IPO11: variants seen among roughly 807,000 people sequenced by gnomAD.
IPO11 encodes the protein importin-11.
In IPO11, 66 loss-of-function variants were observed where a neutral mutation model predicts 143.2. The observed-to-expected ratio is 0.46, with a 90% CI of 0.38 to 0.57. The LOEUF (loss-of-function observed/expected upper bound fraction) is 0.57. Among genes scored for constraint, IPO11 ranks in the 20% least tolerant of loss-of-function variants. The pLI, the probability that IPO11 is intolerant of heterozygous loss-of-function variation, is 0.00. For synonymous variants in IPO11, 385 were observed against 377.8 expected (o/e 1.02, Z -0.22); for missense variants, 1,026 against 1,141.0 (o/e 0.90, Z 1.45).
At chr5:62,549,283 A>G (rs1003624511) in intron 24 of IPO11, among the ~76,000 whole-genome samples, 4 of 151,910 alleles carry the variant, frequency 2.6e-5, no homozygotes, top group Non-Finnish European at 4.4e-5. Flanking sequence ...CCTTACCTTC[A>G]CTTCTTGCTC....
At chr5:62,580,219 AATTCAAGAATT>A in intron 27 of IPO11, 1 of 1,550,878 alleles carries the variant, frequency 6.4e-7, no homozygotes, top group Non-Finnish European at 8.7e-7. Context: ...CCTCCTGAAA[AATTCAAGAATT>A]AGGAATGTTA....
chr5:62,515,632 TC>T (rs1225243973), intron 20 of IPO11, 131 bp downstream of exon 20: 3 of 589,176 alleles, frequency 5.1e-6, no homozygotes, highest in Non-Finnish European at 8.6e-6. Flanking sequence ...TATTTTTTTT[TC>T]CATGTGTGAT....
chr5:62,439,544 C>T (rs1744382734), intron 2 of IPO11, among the ~76,000 whole-genome samples: 1 of 151,638 alleles, frequency 6.6e-6, no homozygotes, highest in Admixed American at 6.6e-5. Flanking sequence ...GCCTTGGCCT[C>T]CCAAAGTGCT....
At chr5:62,413,172 G>A (rs1179454695) in intron 1 of IPO11, among the ~76,000 whole-genome samples, 2 of 152,212 alleles carry the variant, frequency 1.3e-5, no homozygotes, top group Non-Finnish European at 2.9e-5. Context: ...TGCGGGGTGG[G>A]AGGGACCGTA....
At position 62,490,224 on chromosome 5, in the gene IPO11, A is replaced by G; in HGVS notation, c.1463+4A>G. 1.9e-6 allele frequency: 3 copies of G among 1,550,218 alleles called. No individual in the cohort carries two copies. The highest frequency in any genetic ancestry group is 2.6e-6 in the Non-Finnish European group (3 of 1,142,670). On this transcript the variant is annotated splice_donor_region_variant and intron_variant, in intron 15 of 29. Coordinates refer to ENST00000325324, the MANE Select transcript of IPO11 (RefSeq NM_016338.5). ...AATTACAAGTCATTCACAATAGGCA[A>G]GTATAAAATTTTATATTTATTATAC...
Position 62,504,787 on chromosome 5 carries a change from A to G in IPO11, c.1625-71A>G, listed in dbSNP as rs879139679. 3.9e-5 allele frequency: 52 copies of G among 1,325,594 alleles called. No homozygotes were observed. The South Asian group carries it at 6.4e-4, about 16-fold the overall frequency. The allele number at this position is 1,325,594 out of a possible 1,614,324, so 82.1% of individuals were successfully genotyped here. On this transcript the variant is annotated intron_variant, in intron 17 of 29. Coordinates refer to ENST00000325324, the MANE Select transcript of IPO11 (RefSeq NM_016338.5). ...TTTATTTTGTGAAATTAATTTATGTATACTTGTTTTAGATACAGATTTATT... is the reference window on the plus strand; with the variant it reads ...TTTATTTTGTGAAATTAATTTATGTGTACTTGTTTTAGATACAGATTTATT...
At chr5:62,446,163 T>C (rs1054875847) in intron 3 of IPO11, among the ~76,000 whole-genome samples, 1 of 152,238 alleles carries the variant, frequency 6.6e-6, no homozygotes, top group African/African-American at 2.4e-5. Flanking sequence ...TTTAAAATAC[T>C]TTCTTTGAAG....
chr5:62,484,894 G>GTT (rs530509512), intron 11 of IPO11, among the ~76,000 whole-genome samples: 2 of 134,634 alleles, frequency 1.5e-5, no homozygotes, highest in Non-Finnish European at 1.6e-5. Context: ...GTCTTTTCTT[G>GTT]TTTTTTTTTT....
intron 24 of IPO11, among the ~76,000 whole-genome samples, chr5:62,549,313 A>G (rs1743317157): frequency 6.6e-6 from 1 of 152,022 alleles, no homozygotes; most frequent in South Asian, 2.1e-4. Context: ...GCAGCAACAA[A>G]TGTTGTTATC....
intron 24 of IPO11, among the ~76,000 whole-genome samples, chr5:62,549,087 G>GTTTTTGT (rs4022362): frequency 6.6e-6 from 1 of 150,474 alleles, no homozygotes; most frequent in Admixed American, 6.6e-5. Flanking sequence ...ATCTAGTTGT[G>GTTTTTGT]TTTTTGTTTT....
intron 1 of IPO11, among the ~76,000 whole-genome samples, chr5:62,414,422 C>T (rs1397734028): frequency 6.6e-6 from 1 of 152,102 alleles, no homozygotes; most frequent in Non-Finnish European, 1.5e-5. Flanking sequence ...TATGTAACCT[C>T]ACTTCTAATT....
At chr5:62,597,364 A>G (rs902981621) in intron 28 of IPO11, among the ~76,000 whole-genome samples, 3 of 152,366 alleles carry the variant, frequency 2.0e-5, no homozygotes, top group East Asian at 1.9e-4. Flanking sequence ...AGTTTGATTA[A>G]GCAAAGAATT....
In IPO11 at chr5:62,551,190, C is replaced by A. The variant is rs377468334; in HGVS notation, c.2347-33C>A. On this transcript the variant is annotated intron_variant, in intron 25 of 29. Coordinates refer to ENST00000325324, the MANE Select transcript of IPO11 (RefSeq NM_016338.5). ...GATTGTTTTTACTTGTACCATAACA[C>A]AATTTTACATGTGTTGTATTTTAAT... 85 of 1,204,764 alleles carry A rather than the reference C, an allele frequency of 7.1e-5. No homozygotes were observed. The African/African-American group carries it at 1.1e-3, about 15-fold the overall frequency. 74.6% of individuals were successfully genotyped at this position (1,204,764 alleles called of 1,614,324 possible).
chr5:62,481,811 T>G (rs950547125), intron 9 of IPO11, among the ~76,000 whole-genome samples: 1 of 152,126 alleles, frequency 6.6e-6, no homozygotes, highest in African/African-American at 2.4e-5. Flanking sequence ...CATAAAAGGA[T>G]TTAGGGAGGA....
In IPO11 at chr5:62,444,338, C is replaced by T. The variant is rs867778961; in HGVS notation, c.239+1255C>T. ...CGATCTCCTGACCTGGTGATCCGCC[C>T]GCCTTGGCCTCCCAAAGTGCTGGGA... On this transcript the variant is annotated intron_variant, in intron 3 of 29. Transcript: ENST00000325324. 5.3e-5 allele frequency among the ~76,000 whole-genome samples: 8 copies of T among 152,018 alleles called. No individual in the cohort carries two copies. In the East Asian group the frequency reaches 5.8e-4, roughly 11 times the overall value.
intron 2 of IPO11, among the ~76,000 whole-genome samples, chr5:62,437,628 G>A (rs917880794): frequency 6.6e-6 from 1 of 152,140 alleles, no homozygotes; most frequent in African/African-American, 2.4e-5. Context: ...GGTATATGTA[G>A]CATCTGCTCA....
Position 62,532,670 on chromosome 5 carries a change from T to C in IPO11, c.2089+1885T>C, listed in dbSNP as rs562549420. 2.0e-5 allele frequency among the ~76,000 whole-genome samples: 3 copies of C among 152,268 alleles called. No individual in the cohort carries two copies. In the East Asian group the frequency reaches 5.8e-4, roughly 29 times the overall value. Reference sequence around the variant, plus strand: ...ACCATGCCCAGCCTGTGGTGTAGTTTTAATGATAGAAATCTTTGTAGCTGA... The same window carrying C: ...ACCATGCCCAGCCTGTGGTGTAGTTCTAATGATAGAAATCTTTGTAGCTGA... On this transcript the variant is annotated intron_variant, in intron 22 of 29. Transcript: ENST00000325324.
chr5:62,556,814 A>G (rs1442371022), intron 26 of IPO11, among the ~76,000 whole-genome samples: 1 of 151,918 alleles, frequency 6.6e-6, no homozygotes, highest in Non-Finnish European at 1.5e-5. Context: ...ATTTCCTTTC[A>G]TCGTCTTTCC....
At chr5:62,483,452 A>G (rs1324286365) in intron 10 of IPO11, 159 bp downstream of exon 10, 5 of 531,466 alleles carry the variant, frequency 9.4e-6, no homozygotes, top group Non-Finnish European at 1.6e-5. Flanking sequence ...TAGTATGTTT[A>G]TACTAGCTTT....
Sources: allele counts gnomAD v4.1 joint callset (sites outside exome capture counted in the v4.1 genomes callset), GRCh38; gene constraint gnomAD v4.1.1; transcripts MANE v1.5; gene names NCBI Gene and HGNC (gene_info 2026-07-23, HGNC 2026-07-21).